The following ARHGEF7 variants were observed in gnomAD, a reference collection of about 807,000 sequenced individuals.
ARHGEF7 encodes the protein PAK-interacting exchange factor beta.
A neutral mutation model predicts 109.8 loss-of-function variants in ARHGEF7; 33 were observed. The observed-to-expected ratio is 0.30, with a 90% confidence interval of 0.23 to 0.40. The LOEUF (loss-of-function observed/expected upper bound fraction) is 0.40, where lower values mean the gene tolerates loss of function less well. Ranked by LOEUF, ARHGEF7 falls within the 10% of genes least tolerant of loss-of-function variation. ARHGEF7 has a pLI of 1.00. For missense variants in ARHGEF7, 938 were observed against 1,098.5 expected, an observed-to-expected ratio of 0.85 and a Z score of 2.07; for synonymous variants, 458 against 424.6, an observed-to-expected ratio of 1.08 and a Z score of -0.97.
chr13:111,155,858 A>T (rs1324027182), intron 2 of ARHGEF7, among the ~76,000 whole-genome samples: 1 of 152,076 alleles, frequency 6.6e-6, no homozygotes, highest in Non-Finnish European at 1.5e-5. Flanking sequence ...GGTGGATCAC[A>T]TGAGGTCGGG....
At chr13:111,230,530 A>G (rs1450805627) in intron 5 of ARHGEF7, among the ~76,000 whole-genome samples, 1 of 152,178 alleles carries the variant, frequency 6.6e-6, no homozygotes, top group Non-Finnish European at 1.5e-5. Flanking sequence ...TGACCGCCCC[A>G]GGAGCCTGGA....
At chr13:111,293,960 A>G (rs1049144359) in intron 19 of ARHGEF7, 6 of 985,290 alleles carry the variant, frequency 6.1e-6, no homozygotes, top group African/African-American at 1.7e-5. Flanking sequence ...TCAGCATGGA[A>G]CAAGCTAATG....
At position 111,221,418 on chromosome 13, in the gene ARHGEF7, TATATATCTATATATAG is replaced by T. The variant is rs2084116083; in HGVS notation, c.670+3545_670+3560del. Among the ~76,000 whole-genome samples, 2 of 10,518 alleles carry T rather than the reference TATATATCTATATATAG, an allele frequency of 1.9e-4. 1 individual carries two copies. Among genetic ancestry groups the T allele is most frequent in the African/African-American group, 4.1e-4 (2 of 4,872 alleles). The allele number at this position is 10,518 out of a possible 152,430, so 6.9% of individuals were successfully genotyped here. On this transcript the variant is annotated intron_variant, in intron 5 of 21. Coordinates refer to ENST00000646102, the MANE Select transcript of ARHGEF7 (RefSeq NM_001354046.2). ...CTATATATCTATATATATAGATGTC[TATATATCTATATATAG>T]ATATATATATCTATATATATAGATA...
At chr13:111,274,397 G>A (rs1413915338) in intron 10 of ARHGEF7, among the ~76,000 whole-genome samples, 1 of 152,142 alleles carries the variant, frequency 6.6e-6, no homozygotes, top group Non-Finnish European at 1.5e-5. Flanking sequence ...TTTCTATAAG[G>A]GGGCAGACTG....
intron 2 of ARHGEF7, among the ~76,000 whole-genome samples, chr13:111,173,675 G>A (rs1419213005): frequency 6.6e-6 from 1 of 152,140 alleles, no homozygotes; most frequent in Non-Finnish European, 1.5e-5. Context: ...GCTTTAAGTC[G>A]GCTTGTGTTT....
At chr13:111,134,006 A>G (rs1029286102) in intron 1 of ARHGEF7, among the ~76,000 whole-genome samples, 1 of 149,776 alleles carries the variant, frequency 6.7e-6, no homozygotes, top group African/African-American at 2.5e-5. Flanking sequence ...CCTGTGTCCA[A>G]GTGTTCTCAT....
At chr13:111,288,206 G>T in intron 17 of ARHGEF7, 148 bp from the exon 18 acceptor site, 2 of 453,940 alleles carry the variant, frequency 4.4e-6, no homozygotes, top group East Asian at 3.1e-5. Flanking sequence ...CATGAATTTT[G>T]TAGAAAACAG....
intron 2 of ARHGEF7, among the ~76,000 whole-genome samples, chr13:111,198,248 A>G (rs974557742): frequency 2.6e-5 from 4 of 152,090 alleles, no homozygotes; most frequent in African/African-American, 4.8e-5. Flanking sequence ...CCCGAATTCT[A>G]CGGAAAAATA....
chr13:111,183,840 C>T (rs2078988121), intron 2 of ARHGEF7, among the ~76,000 whole-genome samples: 1 of 152,130 alleles, frequency 6.6e-6, no homozygotes, highest in Non-Finnish European at 1.5e-5. Context: ...CTTGACTTGT[C>T]ATCTTAGACT....
rs1389171576 is a variant in ARHGEF7 at position 111,303,129 on chromosome 13, C to G, written c.*16C>G. On this transcript the variant is annotated 3_prime_UTR_variant, in exon 22 of 22. Transcript: ENST00000646102. ...CAATCTATAAGGGATGTCCTCAGTTCTTTCTGTTGAAGACCAGTTCTGAGG... is the reference window on the plus strand; with the variant it reads ...CAATCTATAAGGGATGTCCTCAGTTGTTTCTGTTGAAGACCAGTTCTGAGG... The G allele has an allele frequency of 2.0e-6, 3 of 1,534,270 alleles. No homozygotes were observed. The highest frequency in any genetic ancestry group is 2.7e-6 in the Non-Finnish European group (3 of 1,132,044).
At chr13:111,151,220 G>A (rs773762868) in intron 1 of ARHGEF7, among the ~76,000 whole-genome samples, 6 of 152,222 alleles carry the variant, frequency 3.9e-5, no homozygotes, top group Non-Finnish European at 8.8e-5. Context: ...TTGAAAACCT[G>A]CTCTTTACCA....
upstream of ARHGEF7, chr13:111,115,275 C>CGGCGGCCGAGGCCGGGGGGCGGCGGCG (rs1186408203): frequency 2.0e-5 from 3 of 148,648 alleles, no homozygotes; most frequent in East Asian, 6.0e-4. Flanking sequence ...CATTGGGCGA[C>CGGCGGCCGAGGCCGGGGGGCGGCGGCG]GGCGGCCGAG....
intron 2 of ARHGEF7, chr13:111,158,948 A>G: frequency 2.8e-6 from 2 of 713,578 alleles, no homozygotes; most frequent in Non-Finnish European, 5.2e-6. Context: ...CTGCTGTACA[A>G]TAGATCACTA....
intron 2 of ARHGEF7, among the ~76,000 whole-genome samples, chr13:111,175,516 TGAGCCTGCCTGCTGCAGGCTG>T (rs1055932458): frequency 9.2e-5 from 14 of 152,152 alleles, no homozygotes; most frequent in Middle Eastern, 3.2e-3. Flanking sequence ...GAGATGGAAT[TGAGCCTGCCTGCTGCAGGCTG>T]GAGCCTGCAG....
chr13:111,124,387 C>G lies in ARHGEF7; in HGVS notation c.165+8696C>G, dbSNP rs79411688. ...TGCCCAGAAGTCTGAACCTGTTGGT[C>G]TCTTCTCCAGCAGCCGTGAGTCTCT... On this transcript the variant is annotated intron_variant, in intron 1 of 21. Transcript: ENST00000646102. Among the ~76,000 whole-genome samples, 675 of 152,396 alleles carry G rather than the reference C, an allele frequency of 4.4e-3. 5 individuals carry two copies. Among genetic ancestry groups the G allele is most frequent in the African/African-American group, 0.015 (628 of 41,602 alleles).
intron 1 of ARHGEF7, among the ~76,000 whole-genome samples, chr13:111,126,757 A>C (rs1284379173): frequency 1.3e-5 from 2 of 152,178 alleles, no homozygotes; most frequent in Non-Finnish European, 2.9e-5. Flanking sequence ...CAAACAAATA[A>C]CCTGGAGTCA....
At chr13:111,226,442 A>G (rs958122478) in intron 5 of ARHGEF7, among the ~76,000 whole-genome samples, 2 of 152,192 alleles carry the variant, frequency 1.3e-5, no homozygotes, top group Non-Finnish European at 2.9e-5. Flanking sequence ...ATTCTCATTT[A>G]CCATTCTGAA....
Position 111,153,611 on chromosome 13 carries a change from C to A in ARHGEF7, c.166-294C>A, listed in dbSNP as rs1228640565. The A allele has an allele frequency of 9.4e-6, 11 of 1,165,584 alleles. No individual in the cohort carries two copies. The East Asian group carries it at 4.8e-4, about 51-fold the overall frequency. The allele number at this position is 1,165,584 out of a possible 1,614,324, so 72.2% of individuals were successfully genotyped here. A position where few individuals can be genotyped will look rare whatever the true frequency, so the allele number is the denominator to read the frequency against. On this transcript the variant is annotated intron_variant, in intron 1 of 21. Transcript: ENST00000646102. The stretch of plus-strand genomic sequence containing the variant: ...ACACCCGACGCTATCCGAAGACGTC[C>A]CGCGCGGGCCGGCGGGGGCGCGGTC...
intron 2 of ARHGEF7, among the ~76,000 whole-genome samples, chr13:111,183,234 C>T (rs2078935907): frequency 6.6e-6 from 1 of 151,944 alleles, no homozygotes; most frequent in Non-Finnish European, 1.5e-5. Context: ...TGTTAAATGG[C>T]GCTTATTTTG....
Sources: allele counts gnomAD v4.1 joint callset (sites outside exome capture counted in the v4.1 genomes callset), GRCh38; gene constraint gnomAD v4.1.1; transcripts MANE v1.5; gene names NCBI Gene and HGNC (gene_info 2026-07-23, HGNC 2026-07-21).